ANKFN1: variants seen among roughly 807,000 people sequenced by gnomAD.
ANKFN1 encodes the protein ankyrin repeat and fibronectin type III domain containing 1.
A neutral mutation model predicts 108.7 loss-of-function variants in ANKFN1; 74 were observed. That is an observed-to-expected ratio of 0.68 (90% CI 0.56 to 0.83). The LOEUF is 0.83. Among genes scored for constraint, ANKFN1 ranks in the 40% least tolerant of loss-of-function variants. The probability of loss-of-function intolerance (pLI) is 0.00; values close to 1 mark genes in which losing one functional copy is unlikely to be tolerated. For missense variants in ANKFN1, 1,505 were observed against 1,382.3 expected (o/e 1.09, Z -1.41); for synonymous variants, 547 against 516.2 (o/e 1.06, Z -0.81).
rs1913005481 is a variant in ANKFN1, at chr17:56,192,194, C to T, written c.-70-20404C>T. On this transcript the variant is annotated intron_variant, in intron 1 of 20. Transcript: ENST00000682825. Reference sequence around the variant, plus strand: ...AAATGGTGCTGGGAAAACTGGCTAGCCATATGTAGAAAGCTGAAACTGGAT... The same window carrying T: ...AAATGGTGCTGGGAAAACTGGCTAGTCATATGTAGAAAGCTGAAACTGGAT... Among the ~76,000 whole-genome samples, 7 of 150,022 alleles carry T rather than the reference C, an allele frequency of 4.7e-5. 1 individual carries two copies. In the South Asian group the frequency reaches 1.5e-3, roughly 32 times the overall value.
At chr17:56,480,870 C>T in intron 17 of ANKFN1, 52 bp downstream of exon 17, 1 of 1,549,854 alleles carries the variant, frequency 6.5e-7, no homozygotes, top group Non-Finnish European at 8.8e-7. Context: ...ATGGAAACTG[C>T]ATTGTAACAT....
intron 8 of ANKFN1, among the ~76,000 whole-genome samples, chr17:56,415,052 G>A (rs1228184628): frequency 2.0e-5 from 3 of 151,580 alleles, no homozygotes; most frequent in African/African-American, 7.3e-5. Flanking sequence ...AAAAAATTGG[G>A]TATAGAAGGA....
In ANKFN1 at chr17:56,516,857, A is replaced by G. The variant is rs1288047706; in HGVS notation, c.*5588A>G. ...ATTTCATAAGCATTAATTATACTTT[A>G]TGTCTTACCTAATATTGTTGATATC... On this transcript the variant is annotated 3_prime_UTR_variant, in exon 21 of 21. Transcript: ENST00000682825. 6.6e-6 allele frequency among the ~76,000 whole-genome samples: 1 copy of G among 152,198 alleles called. No homozygotes were observed. Among genetic ancestry groups the G allele is most frequent in the African/African-American group, 2.4e-5 (1 of 41,464 alleles).
At chr17:56,446,775 A>G (rs531827218) in intron 10 of ANKFN1, among the ~76,000 whole-genome samples, 1 of 152,120 alleles carries the variant, frequency 6.6e-6, no homozygotes, top group South Asian at 2.1e-4. Flanking sequence ...GTGGTGGCAC[A>G]CACCTGTGGT....
intron 3 of ANKFN1, among the ~76,000 whole-genome samples, chr17:56,317,656 G>A (rs1191356793): frequency 6.6e-6 from 1 of 152,096 alleles, no homozygotes; most frequent in Non-Finnish European, 1.5e-5. Context: ...ACTCCTAAGG[G>A]TATCGGGTTT....
intron 4 of ANKFN1, among the ~76,000 whole-genome samples, chr17:56,066,624 C>A (rs1905061248): frequency 6.6e-6 from 1 of 151,930 alleles, no homozygotes; most frequent in Non-Finnish European, 1.5e-5. Context: ...ATCATCTTAA[C>A]CATTTTTAGG....
chr17:56,153,465 C>T (rs200646889), upstream of ANKFN1: 4 of 1,612,578 alleles, frequency 2.5e-6, no homozygotes, highest in East Asian at 8.9e-5. Flanking sequence ...TTCCCTCCAC[C>T]CCCCAGGTCC....
chr17:56,224,419 G>T (rs930896855), intron 2 of ANKFN1, among the ~76,000 whole-genome samples: 3 of 152,068 alleles, frequency 2.0e-5, no homozygotes, highest in Admixed American at 6.6e-5. Context: ...TCATAATCTT[G>T]AACATATAGG....
At chr17:56,441,926 T>C (rs2049120114) in intron 9 of ANKFN1, among the ~76,000 whole-genome samples, 1 of 152,044 alleles carries the variant, frequency 6.6e-6, no homozygotes, top group Non-Finnish European at 1.5e-5. Flanking sequence ...ACTTCAAACA[T>C]CATTTTACAA....
intron 4 of ANKFN1, among the ~76,000 whole-genome samples, chr17:56,051,873 G>T (rs1221208585): frequency 6.6e-6 from 1 of 150,678 alleles, no homozygotes; most frequent in Non-Finnish European, 1.5e-5. Flanking sequence ...GGATGTGAAG[G>T]ACCTCTTCAA....
At chr17:56,368,630 A>C (rs2046729011) in intron 6 of ANKFN1, among the ~76,000 whole-genome samples, 1 of 151,800 alleles carries the variant, frequency 6.6e-6, no homozygotes, top group South Asian at 2.1e-4. Context: ...TCAGATTACC[A>C]GTTATAGCAA....
intron 3 of ANKFN1, among the ~76,000 whole-genome samples, chr17:56,275,314 TC>T (rs1424110282): frequency 1.3e-5 from 2 of 151,416 alleles, no homozygotes; most frequent in Non-Finnish European, 2.9e-5. Flanking sequence ...GGGAGTTTAT[TC>T]TTTTTTTTTT....
chr17:56,490,425 G>T (rs2050997893), intron 18 of ANKFN1, among the ~76,000 whole-genome samples: 3 of 152,124 alleles, frequency 2.0e-5, no homozygotes, highest in Admixed American at 2.0e-4. Flanking sequence ...AGTATAAAAG[G>T]ACTCATAATA....
chr17:56,227,816 C>T (rs963262530), intron 2 of ANKFN1, 101 bp from the exon 3 acceptor site: 6 of 815,910 alleles, frequency 7.4e-6, no homozygotes, highest in African/African-American at 3.6e-5. Context: ...GCTTCTCTCT[C>T]TTTTTTTTTT....
At chr17:56,476,109 G>A (rs931224119) in intron 15 of ANKFN1, among the ~76,000 whole-genome samples, 5 of 152,132 alleles carry the variant, frequency 3.3e-5, no homozygotes, top group Admixed American at 3.3e-4. Flanking sequence ...CATGAGAACA[G>A]CAAGGAGGAA....
intron 3 of ANKFN1, among the ~76,000 whole-genome samples, chr17:56,259,406 A>G (rs1457306738): frequency 6.6e-6 from 1 of 152,234 alleles, no homozygotes; most frequent in Non-Finnish European, 1.5e-5. Flanking sequence ...AAATATCTGT[A>G]TATAGGCATT....
chr17:56,315,128 T>A (rs535691978), intron 3 of ANKFN1, among the ~76,000 whole-genome samples: 4 of 152,194 alleles, frequency 2.6e-5, no homozygotes, highest in Non-Finnish European at 4.4e-5. Context: ...CTCCTGTCCA[T>A]ATGCCACATT....
chr17:56,390,282 G>T (rs953675849), intron 8 of ANKFN1, among the ~76,000 whole-genome samples: 1 of 151,828 alleles, frequency 6.6e-6, no homozygotes, highest in Admixed American at 6.6e-5. Flanking sequence ...CAACTTATGA[G>T]TGAGAACATG....
At chr17:56,353,512 C>T (rs1294199234) in intron 5 of ANKFN1, among the ~76,000 whole-genome samples, 1 of 152,190 alleles carries the variant, frequency 6.6e-6, no homozygotes, top group Non-Finnish European at 1.5e-5. Flanking sequence ...TCTGGGGTTA[C>T]AGGTGTGAGC....
Sources: allele counts gnomAD v4.1 joint callset (sites outside exome capture counted in the v4.1 genomes callset), GRCh38; gene constraint gnomAD v4.1.1; transcripts MANE v1.5; gene names NCBI Gene and HGNC (gene_info 2026-07-23, HGNC 2026-07-21).